DDX10: variants seen among roughly 807,000 people sequenced by gnomAD.
The protein encoded by DDX10 is probable ATP-dependent RNA helicase DDX10.
DDX10 carries 74 observed loss-of-function variants against 104.3 expected under a neutral mutation model. The ratio of observed to expected loss-of-function variants is 0.71; its 90% CI spans 0.59 to 0.86. The LOEUF is 0.86. DDX10 is among the 40% of genes least tolerant of loss of function. DDX10 has a pLI of 0.00. For synonymous variants in DDX10, 351 were observed against 353.4 expected, an observed-to-expected ratio of 0.99 and a Z score of 0.08; for missense variants, 952 against 1,040.0, an observed-to-expected ratio of 0.92 and a Z score of 1.16.
chr11:108,939,553 C>T (rs1688225619), intron 17 of DDX10, among the ~76,000 whole-genome samples: 2 of 152,178 alleles, frequency 1.3e-5, no homozygotes, highest in South Asian at 2.1e-4. Flanking sequence ...CAGATAATAT[C>T]TCAAAATGCT....
intron 12 of DDX10, among the ~76,000 whole-genome samples, chr11:108,720,428 T>C (rs1408491937): frequency 6.6e-6 from 1 of 152,188 alleles, no homozygotes; most frequent in Non-Finnish European, 1.5e-5. Flanking sequence ...ATTCTTCTTA[T>C]GTTAGGTTGT....
At chr11:108,684,357 G>T (rs1171470383) in intron 6 of DDX10, among the ~76,000 whole-genome samples, 1 of 63,556 alleles carries the variant, frequency 1.6e-5, no homozygotes, top group Non-Finnish European at 2.9e-5. Context: ...CCCCTCCCCC[G>T]ACCCCACCAC....
intron 1 of DDX10, among the ~76,000 whole-genome samples, chr11:108,672,827 A>G (rs762093798): frequency 1.7e-4 from 26 of 152,370 alleles, no homozygotes; most frequent in Non-Finnish European, 3.4e-4. Flanking sequence ...AACATCAGTA[A>G]TGAATATTTG....
At chr11:108,797,802 C>A (rs1187982555) in intron 13 of DDX10, among the ~76,000 whole-genome samples, 1 of 152,110 alleles carries the variant, frequency 6.6e-6, no homozygotes, top group East Asian at 1.9e-4. Context: ...ATAAATAAAA[C>A]AATTCTTTGA....
intron 6 of DDX10, among the ~76,000 whole-genome samples, chr11:108,688,063 ACAGT>A (rs2094247134): frequency 2.6e-5 from 4 of 152,154 alleles, no homozygotes; most frequent in Non-Finnish European, 5.9e-5. Context: ...TTCCTTTTTT[ACAGT>A]TGCATAATAA....
At chr11:108,715,213 A>T (rs910355568) in intron 10 of DDX10, among the ~76,000 whole-genome samples, 6 of 152,130 alleles carry the variant, frequency 3.9e-5, no homozygotes, top group African/African-American at 1.4e-4. Flanking sequence ...AAACAGAAAC[A>T]TTTATAAAAA....
In DDX10 at chr11:108,863,844, T is replaced by C. The variant is rs189274417; in HGVS notation, c.2304+11635T>C. Among the ~76,000 whole-genome samples the C allele has an allele frequency of 3.9e-3, 597 of 152,316 alleles. 8 individuals are homozygous for C. The highest frequency in any genetic ancestry group is 0.014 in the African/African-American group (571 of 41,564). On this transcript the variant is annotated intron_variant, in intron 16 of 17. Coordinates refer to ENST00000322536, the MANE Select transcript of DDX10 (RefSeq NM_004398.4). ...GAGTGGATGGGTCTGTAAGTCCATA[T>C]TGTGAGTTCATCAGTAATGCTAGAT...
intron 14 of DDX10, among the ~76,000 whole-genome samples, chr11:108,839,267 A>G (rs1432368677): frequency 6.6e-6 from 1 of 152,132 alleles, no homozygotes; most frequent in Non-Finnish European, 1.5e-5. Context: ...TCACCAGCGC[A>G]GGTTTTCCTG....
chr11:108,747,828 A>G (rs937079933), intron 13 of DDX10, among the ~76,000 whole-genome samples: 2 of 152,236 alleles, frequency 1.3e-5, no homozygotes, highest in South Asian at 2.1e-4. Flanking sequence ...TTATGACCCT[A>G]AAGTTACCGA....
chr11:108,676,132 A>G (rs2094224726), intron 3 of DDX10, among the ~76,000 whole-genome samples: 1 of 152,228 alleles, frequency 6.6e-6, no homozygotes, highest in African/African-American at 2.4e-5. Context: ...TAAAGCTGAA[A>G]TATGCTCAGT....
At chr11:108,703,772 T>A (rs1408750007) in intron 9 of DDX10, among the ~76,000 whole-genome samples, 1 of 152,236 alleles carries the variant, frequency 6.6e-6, no homozygotes, top group African/African-American at 2.4e-5. Flanking sequence ...AATGTTCTTA[T>A]GCCTTCTTTT....
rs1386956130 is a variant in DDX10 at position 108,752,554 on chromosome 11, A to G, written c.1965+29092A>G. Among the ~76,000 whole-genome samples the G allele has an allele frequency of 3.3e-5, 5 of 152,038 alleles. No individual in the cohort carries two copies. The East Asian group carries it at 9.7e-4, about 29-fold the overall frequency. On this transcript the variant is annotated intron_variant, in intron 13 of 17. Coordinates refer to ENST00000322536, the MANE Select transcript of DDX10 (RefSeq NM_004398.4). Reference sequence around the variant, plus strand: ...CACTATTATGGATCCATCTTTGTGTACTTATGGATGTCTGTTCTGAGTAGG... The same window carrying G: ...CACTATTATGGATCCATCTTTGTGTGCTTATGGATGTCTGTTCTGAGTAGG...
chr11:108,745,073 C>CCTTCCCCCTTCCCT (rs2094329866), intron 13 of DDX10, among the ~76,000 whole-genome samples: 3 of 84,048 alleles, frequency 3.6e-5, no homozygotes, highest in Admixed American at 1.3e-4. Context: ...CCCCCTTCCC[C>CCTTCCCCCTTCCCT]CTTCCCTTCC....
Position 108,926,264 on chromosome 11 carries a change from A to G in DDX10, c.2450+8246A>G, listed in dbSNP as rs146428351. 3.4e-3 allele frequency among the ~76,000 whole-genome samples: 515 copies of G among 152,276 alleles called. 5 individuals carry two copies. Among genetic ancestry groups the G allele is most frequent in the African/African-American group, 0.012 (493 of 41,542 alleles). Reference sequence around the variant, plus strand: ...AAATCTTGAGATTTCGTGAAAAATGATGGCATGGGTGTGCATGTAGCACAG... The same window carrying G: ...AAATCTTGAGATTTCGTGAAAAATGGTGGCATGGGTGTGCATGTAGCACAG... On this transcript the variant is annotated intron_variant, in intron 17 of 17. Coordinates refer to ENST00000322536, the MANE Select transcript of DDX10 (RefSeq NM_004398.4).
chr11:108,771,469 C>A (rs1484455626), intron 13 of DDX10, among the ~76,000 whole-genome samples: 1 of 152,122 alleles, frequency 6.6e-6, no homozygotes, highest in Non-Finnish European at 1.5e-5. Context: ...GTCAGCCTCC[C>A]AAGTAGCTGG....
intron 13 of DDX10, among the ~76,000 whole-genome samples, chr11:108,812,026 T>A (rs1367546443): frequency 6.6e-6 from 1 of 152,202 alleles, no homozygotes; most frequent in Non-Finnish European, 1.5e-5. Flanking sequence ...GAATTTTTTT[T>A]ATCCTGGTAC....
At chr11:108,923,497 T>C (rs1357075437) in intron 17 of DDX10, among the ~76,000 whole-genome samples, 1 of 152,248 alleles carries the variant, frequency 6.6e-6, no homozygotes, top group East Asian at 1.9e-4. Flanking sequence ...ACTTGATCTG[T>C]TAGTCTCTGG....
intron 16 of DDX10, among the ~76,000 whole-genome samples, chr11:108,864,688 G>A (rs986847661): frequency 1.3e-5 from 2 of 151,954 alleles, no homozygotes; most frequent in African/African-American, 4.8e-5. Flanking sequence ...TCGAACTCCT[G>A]GACTCACGTG....
intron 16 of DDX10, among the ~76,000 whole-genome samples, chr11:108,895,796 C>T (rs1863432703): frequency 6.6e-6 from 1 of 152,088 alleles, no homozygotes; most frequent in Admixed American, 6.6e-5. Flanking sequence ...TATGAGGCTT[C>T]TGTTCCAATT....
Sources: gnomAD v4.1 joint callset for allele counts (sites outside exome capture counted in the v4.1 genomes callset) on GRCh38, gnomAD v4.1.1 for gene constraint, MANE v1.5 for transcripts, NCBI Gene and HGNC (gene_info 2026-07-23, HGNC 2026-07-21) for gene names.